Variants in SRPK2 observed in about 807,000 individuals in gnomAD.
The protein encoded by SRPK2 is SFRS protein kinase 2.
A neutral mutation model predicts 90.8 loss-of-function variants in SRPK2; 21 were observed. The observed-to-expected ratio is 0.23, with a 90% CI of 0.16 to 0.33. SRPK2 has a LOEUF of 0.33. SRPK2 is among the 10% of genes least tolerant of loss of function. The pLI, the probability that SRPK2 is intolerant of heterozygous loss-of-function variation, is 1.00. For synonymous variants in SRPK2, 288 were observed against 311.1 expected (o/e 0.93, Z 0.78); for missense variants, 620 against 869.0 (o/e 0.71, Z 3.60).
chr7:105,342,681 C>A (rs1486294252), intron 2 of SRPK2, among the ~76,000 whole-genome samples: 2 of 152,124 alleles, frequency 1.3e-5, no homozygotes, highest in African/African-American at 4.8e-5. Context: ...CTCCTCCATG[C>A]CCCCGTATAT....
intron 2 of SRPK2, among the ~76,000 whole-genome samples, chr7:105,334,338 A>G (rs1814801179): frequency 6.6e-6 from 1 of 152,168 alleles, no homozygotes; most frequent in Non-Finnish European, 1.5e-5. Flanking sequence ...TTGGCCTCCC[A>G]AAGTGCTGGG....
chr7:105,322,472 C>T (rs1813047249), intron 2 of SRPK2, among the ~76,000 whole-genome samples: 1 of 151,952 alleles, frequency 6.6e-6, no homozygotes, highest in South Asian at 2.1e-4. Context: ...GTGAAAGAAG[C>T]CAGACACAAA....
Position 105,116,657 on chromosome 7 carries a change from C to G in SRPK2, c.*1181G>C, listed in dbSNP as rs1209754934. The stretch of plus-strand genomic sequence containing the variant: ...ACTATGGTTTGTATCCTGGAGTCTA[C>G]AATTAATTTTAAGGAAATGCATAAA... On this transcript the variant is annotated 3_prime_UTR_variant, in exon 16 of 16. Coordinates refer to ENST00000393651, the MANE Select transcript of SRPK2 (RefSeq NM_182692.3). 6.6e-6 allele frequency: 1 copy of G among 152,518 alleles called. No individual in the cohort carries two copies. Among genetic ancestry groups the G allele is most frequent in the Non-Finnish European group, 1.5e-5 (1 of 68,002 alleles). The allele number at this position is 152,518 out of a possible 1,614,324, so 9.4% of individuals were successfully genotyped here.
chr7:105,243,229 C>T (rs1251120559), intron 2 of SRPK2, among the ~76,000 whole-genome samples: 5 of 152,100 alleles, frequency 3.3e-5, no homozygotes. Context: ...GTCTTAAACT[C>T]CTGGCTTCAA....
chr7:105,230,363 T>C (rs927008894), intron 2 of SRPK2, among the ~76,000 whole-genome samples: 66 of 152,044 alleles, frequency 4.3e-4, no homozygotes, highest in African/African-American at 1.6e-3. Flanking sequence ...ATATAATGAA[T>C]GTAGCTGCAA....
chr7:105,264,467 A>G (rs2130202782), intron 2 of SRPK2, among the ~76,000 whole-genome samples: 1 of 152,364 alleles, frequency 6.6e-6, no homozygotes, highest in South Asian at 2.1e-4. Flanking sequence ...CGGCATTGGT[A>G]GAATATAGGC....
intron 2 of SRPK2, among the ~76,000 whole-genome samples, chr7:105,378,845 T>C (rs1384048944): frequency 2.0e-5 from 3 of 151,476 alleles, no homozygotes; most frequent in African/African-American, 4.9e-5. Context: ...TACACACCCA[T>C]AATAGGTAAA....
At chr7:105,362,128 GA>G (rs758510982) in intron 2 of SRPK2, among the ~76,000 whole-genome samples, 1 of 151,572 alleles carries the variant, frequency 6.6e-6, no homozygotes. Context: ...AAATTTACCA[GA>G]AAAAAAATCA....
intron 2 of SRPK2, among the ~76,000 whole-genome samples, chr7:105,368,537 T>C (rs554835593): frequency 2.0e-5 from 3 of 152,268 alleles, no homozygotes; most frequent in Admixed American, 6.5e-5. Flanking sequence ...TCCAGGGCTC[T>C]AATCCAGCAT....
At chr7:105,225,328 G>T (rs1180524518) in intron 2 of SRPK2, among the ~76,000 whole-genome samples, 1 of 152,154 alleles carries the variant, frequency 6.6e-6, no homozygotes. Flanking sequence ...TATGTATTGG[G>T]AGAATCATTA....
At chr7:105,370,907 C>T (rs946624165) in intron 2 of SRPK2, among the ~76,000 whole-genome samples, 6 of 151,948 alleles carry the variant, frequency 3.9e-5, no homozygotes, top group Non-Finnish European at 7.4e-5. Context: ...TGATCTACTG[C>T]GCCCGGCCGG....
At chr7:105,311,120 G>T (rs1563223010) in intron 2 of SRPK2, among the ~76,000 whole-genome samples, 1 of 151,002 alleles carries the variant, frequency 6.6e-6, no homozygotes, top group Non-Finnish European at 1.5e-5. Flanking sequence ...CCTACAGAAT[G>T]AAAAAAAATA....
intron 2 of SRPK2, among the ~76,000 whole-genome samples, chr7:105,207,467 A>G (rs973350391): frequency 1.7e-4 from 26 of 152,254 alleles, no homozygotes; most frequent in Non-Finnish European, 7.3e-5. Flanking sequence ...AATCCTAATG[A>G]AAGCCGTAAG....
chr7:105,205,182 CA>C (rs549872998), intron 2 of SRPK2, among the ~76,000 whole-genome samples: 1 of 151,740 alleles, frequency 6.6e-6, no homozygotes, highest in Non-Finnish European at 1.5e-5. Context: ...GGCTTGCCAA[CA>C]AAAAAACCCA....
chr7:105,293,401 T>C lies in SRPK2; in HGVS notation c.72-89616A>G, dbSNP rs73407879. Among the ~76,000 whole-genome samples the C allele has an allele frequency of 5.2e-3, 792 of 152,314 alleles. 12 individuals carry two copies. Among genetic ancestry groups the C allele is most frequent in the African/African-American group, 0.018 (759 of 41,562 alleles). ...AGAATTTGGCAAGATGTTACATATCTTCATCCTCATAAAATCAGTATTAGG... is the reference window on the plus strand; with the variant it reads ...AGAATTTGGCAAGATGTTACATATCCTCATCCTCATAAAATCAGTATTAGG... On this transcript the variant is annotated intron_variant, in intron 2 of 15. Coordinates refer to ENST00000393651, the MANE Select transcript of SRPK2 (RefSeq NM_182692.3).
chr7:105,384,487 G>A (rs966935719), intron 2 of SRPK2, among the ~76,000 whole-genome samples: 1 of 152,156 alleles, frequency 6.6e-6, no homozygotes, highest in African/African-American at 2.4e-5. Context: ...AAGCCTGCTT[G>A]TATATACAAA....
At chr7:105,163,323 T>C (rs919367721) in intron 6 of SRPK2, among the ~76,000 whole-genome samples, 2 of 152,008 alleles carry the variant, frequency 1.3e-5, no homozygotes, top group Non-Finnish European at 1.5e-5. Flanking sequence ...AACATCAAAT[T>C]TATGATGAAG....
chr7:105,279,383 T>G (rs138764227), intron 2 of SRPK2, among the ~76,000 whole-genome samples: 1 of 152,308 alleles, frequency 6.6e-6, no homozygotes, highest in African/African-American at 2.4e-5. Flanking sequence ...CAAGCAAAAT[T>G]TATAACCCAA....
chr7:105,295,198 G>A (rs1194023756), intron 2 of SRPK2, among the ~76,000 whole-genome samples: 5 of 116,662 alleles, frequency 4.3e-5, no homozygotes, highest in East Asian at 2.1e-4. Flanking sequence ...GTGACAGAGC[G>A]AGAACCCGTC....
Sources: gnomAD v4.1 joint callset for allele counts (sites outside exome capture counted in the v4.1 genomes callset) on GRCh38, gnomAD v4.1.1 for gene constraint, MANE v1.5 for transcripts, NCBI Gene and HGNC (gene_info 2026-07-23, HGNC 2026-07-21) for gene names.